Variants in NCOA2 observed in about 807,000 individuals in gnomAD.
The protein encoded by NCOA2 is class E basic helix-loop-helix protein 75.
Under a neutral mutation model 145.1 loss-of-function variants are expected in NCOA2, and 21 were observed. The ratio of observed to expected loss-of-function variants is 0.14; its 90% CI spans 0.10 to 0.21. The LOEUF is 0.21. Ranked by LOEUF, NCOA2 falls within the 10% of genes least tolerant of loss-of-function variation. The pLI is 1.00. For missense variants in NCOA2, 1,472 were observed against 1,837.6 expected, an observed-to-expected ratio of 0.80 and a Z score of 3.64; for synonymous variants, 619 against 637.5, an observed-to-expected ratio of 0.97 and a Z score of 0.44.
chr8:70,280,257 C>T (rs377562734), intron 2 of NCOA2, among the ~76,000 whole-genome samples: 1 of 152,208 alleles, frequency 6.6e-6, no homozygotes, highest in East Asian at 1.9e-4. Context: ...AGGTAGGCTG[C>T]CAGAGCCAGG....
chr8:70,388,419 T>C (rs1812864732), intron 1 of NCOA2, among the ~76,000 whole-genome samples: 1 of 152,198 alleles, frequency 6.6e-6, no homozygotes, highest in Non-Finnish European at 1.5e-5. Context: ...AAGGCTCAAA[T>C]CAAACACTAC....
In NCOA2 at chr8:70,141,293, G is replaced by C. The variant is rs1810391373; in HGVS notation, c.2919C>G (p.Asn973Lys). The C allele has an allele frequency of 6.2e-7, 1 of 1,613,806 alleles. No homozygotes were observed. The highest frequency in any genetic ancestry group is 1.7e-5 in the Admixed American group (1 of 60,002). The change falls in exon 14 of 23, where the codon AAC (asparagine) becomes AAG (lysine). Residue 973 changes from asparagine to lysine, a missense_variant. Asn to Lys is a moderately conservative substitution (Grantham distance 94). This residue lies in a region of NCOA2 where 953 missense variants were observed against 1,062.1 expected (regional missense o/e 0.90). Coordinates refer to ENST00000452400, the MANE Select transcript of NCOA2 (RefSeq NM_006540.4). Reference protein sequence around the residue: ...VTCAATTSAMNRPVQGGMIRN... With the variant: ...VTCAATTSAMKRPVQGGMIRN... ...GAATCATACCTCCTTGGACTGGCCG[G>C]TTCATGGCACTGGTGGTAGCAGCAC...
chr8:70,424,537 G>A, the NCOA2 span: 4 of 528,266 alleles, frequency 7.6e-6, no homozygotes, highest in South Asian at 4.2e-5. Flanking sequence ...TTGAGTACTC[G>A]CAAAATATGC....
chr8:70,217,386 G>T (rs919964842), intron 2 of NCOA2, among the ~76,000 whole-genome samples: 1 of 152,176 alleles, frequency 6.6e-6, no homozygotes, highest in Non-Finnish European at 1.5e-5. Flanking sequence ...TGCAGCAGCT[G>T]CCTGGCTGCT....
At chr8:70,236,005 T>G (rs1821570346) in intron 2 of NCOA2, among the ~76,000 whole-genome samples, 1 of 152,286 alleles carries the variant, frequency 6.6e-6, no homozygotes, top group South Asian at 2.1e-4. Context: ...TTAAAAATCA[T>G]GCCGCCTGCT....
Position 70,126,571 on chromosome 8 carries a change from T to TA in NCOA2, c.3916+241dup, listed in dbSNP as rs925870645. 4.9e-5 allele frequency: 27 copies of TA among 549,892 alleles called. No homozygotes were observed. In the African/African-American group the frequency reaches 5.1e-4, roughly 10 times the overall value. The allele number at this position is 549,892 out of a possible 1,614,324, so 34.1% of individuals were successfully genotyped here. A position where few individuals can be genotyped will look rare whatever the true frequency, so the allele number is the denominator to read the frequency against. ...CACACACACTTACTTCGGTCATTCTTAAAGTAAGACCTGCACTCAGAGAAA... is the reference window on the plus strand; with the variant it reads ...CACACACACTTACTTCGGTCATTCTTAAAAGTAAGACCTGCACTCAGAGAAA... On this transcript the variant is annotated intron_variant, in intron 19 of 22. Coordinates refer to ENST00000452400, the MANE Select transcript of NCOA2 (RefSeq NM_006540.4).
At chr8:70,451,235 A>ATATATATATAT in the NCOA2 span, among the ~76,000 whole-genome samples, 17 of 98,640 alleles carry the variant, frequency 1.7e-4, no homozygotes, top group African/African-American at 7.6e-4. Context: ...AAAAAAAAAA[A>ATATATATATAT]AAATATATAT....
intron 1 of NCOA2, among the ~76,000 whole-genome samples, chr8:70,368,240 AAG>A (rs1453425956): frequency 5.3e-5 from 8 of 152,234 alleles, no homozygotes; most frequent in African/African-American, 1.7e-4. Flanking sequence ...AAGAAAGACA[AAG>A]AGAGTGTCAC....
upstream of NCOA2, among the ~76,000 whole-genome samples, chr8:70,404,104 A>G (rs974334919): frequency 1.3e-5 from 2 of 152,198 alleles, no homozygotes; most frequent in African/African-American, 4.8e-5. Flanking sequence ...GGTCCGCAGC[A>G]TCTCCGTCGG....
At chr8:70,207,817 G>A (rs1818601817) in intron 4 of NCOA2, among the ~76,000 whole-genome samples, 2 of 146,080 alleles carry the variant, frequency 1.4e-5, no homozygotes, top group South Asian at 2.2e-4. Flanking sequence ...GAACTGAGAT[G>A]GCGCCACTGA....
intron 1 of NCOA2, among the ~76,000 whole-genome samples, chr8:70,336,783 T>G (rs1027749515): frequency 4.6e-5 from 7 of 152,138 alleles, no homozygotes; most frequent in African/African-American, 1.7e-4. Context: ...GAGATGAGAT[T>G]TGGGTGGGAC....
At chr8:70,392,347 T>C (rs1444588436) in intron 1 of NCOA2, among the ~76,000 whole-genome samples, 1 of 152,218 alleles carries the variant, frequency 6.6e-6, no homozygotes, top group Middle Eastern at 3.2e-3. Context: ...TAACGTTCAT[T>C]GGTTGGTGGC....
chr8:70,216,778 CAG>C lies in NCOA2; in HGVS notation c.-19-16_-19-15del. ...ACATATCAGCAACTAAAACAGAAAA[CAG>C]AGAAGAGGAAGAAAAAAATGAAGAG... On this transcript the variant is annotated splice_polypyrimidine_tract_variant and intron_variant, in intron 2 of 22. Transcript: ENST00000452400. 1 of 1,499,626 alleles carries C rather than the reference CAG, an allele frequency of 6.7e-7. No individual in the cohort carries two copies. The highest frequency in any genetic ancestry group is 9.3e-7 in the Non-Finnish European group (1 of 1,076,612). The allele number at this position is 1,499,626 out of a possible 1,614,324, so 92.9% of individuals were successfully genotyped here.
intron 2 of NCOA2, among the ~76,000 whole-genome samples, chr8:70,222,149 G>C (rs974691379): frequency 3.9e-5 from 6 of 152,126 alleles, no homozygotes; most frequent in East Asian, 1.9e-4. Context: ...AAGTTACAAA[G>C]TTTTAGAGGA....
chr8:70,255,247 T>A (rs1823539527), intron 2 of NCOA2, among the ~76,000 whole-genome samples: 1 of 152,144 alleles, frequency 6.6e-6, no homozygotes, highest in African/African-American at 2.4e-5. Flanking sequence ...TCATGTTAAT[T>A]TGTCAGTAGT....
intron 2 of NCOA2, among the ~76,000 whole-genome samples, chr8:70,266,616 T>C (rs1384295729): frequency 6.6e-6 from 1 of 152,122 alleles, no homozygotes; most frequent in Non-Finnish European, 1.5e-5. Context: ...TGGAATGCCA[T>C]CCTCTCTAAC....
At chr8:70,442,119 G>GAA in the NCOA2 span, among the ~76,000 whole-genome samples, 1 of 89,622 alleles carries the variant, frequency 1.1e-5, no homozygotes, top group Non-Finnish European at 2.2e-5. Context: ...AAAGAAAGAA[G>GAA]AAAGAAAGAA....
At chr8:70,273,878 A>C in intron 2 of NCOA2, 1 of 531,180 alleles carries the variant, frequency 1.9e-6, no homozygotes, top group Non-Finnish European at 3.7e-6. Flanking sequence ...TTCTGAAGAC[A>C]AAACTTGAAG....
the NCOA2 span, among the ~76,000 whole-genome samples, chr8:70,448,914 C>T: frequency 1.3e-5 from 2 of 151,914 alleles, no homozygotes; most frequent in African/African-American, 2.4e-5. Flanking sequence ...GAGAGACCCT[C>T]CCACCTTAGT....
Sources: gnomAD v4.1 joint callset for allele counts (sites outside exome capture counted in the v4.1 genomes callset) on GRCh38, gnomAD v4.1.1 for gene constraint, gnomAD v4.1.1 regional missense constraint, MANE v1.5 for transcripts, NCBI Gene and HGNC (gene_info 2026-07-23, HGNC 2026-07-21) for gene names.